The following MFF variants were observed in gnomAD, a reference collection of about 807,000 sequenced individuals.
MFF encodes chromosome 2 open reading frame 33.
A neutral mutation model predicts 36.9 loss-of-function variants in MFF; 12 were observed. The observed-to-expected ratio is 0.33, with a 90% confidence interval of 0.21 to 0.53. The LOEUF is 0.53. Among genes scored for constraint, MFF ranks in the 20% least tolerant of loss-of-function variants. The pLI is 0.95. For synonymous variants in MFF, 99 were observed against 126.2 expected (o/e 0.78, Z 1.44); for missense variants, 348 against 366.6 (o/e 0.95, Z 0.42).
intron 5 of MFF, among the ~76,000 whole-genome samples, chr2:227,345,777 A>G (rs2075677015): frequency 6.6e-6 from 1 of 152,150 alleles, no homozygotes; most frequent in Non-Finnish European, 1.5e-5. Context: ...ATGTTGGCTT[A>G]TATGTATTCC....
At chr2:227,349,026 T>C (rs776389495) in intron 6 of MFF, among the ~76,000 whole-genome samples, 31 of 152,178 alleles carry the variant, frequency 2.0e-4, no homozygotes, top group Non-Finnish European at 4.3e-4. Context: ...AAGTCCTTAG[T>C]GGAGACCAGA....
At chr2:227,341,213 G>A (rs1399043433) in intron 5 of MFF, among the ~76,000 whole-genome samples, 1 of 151,910 alleles carries the variant, frequency 6.6e-6, no homozygotes, top group Admixed American at 6.6e-5. Context: ...CTCTAGTTTG[G>A]ACCTCTCTAA....
chr2:227,340,254 A>C (rs756308517), intron 4 of MFF, 38 bp from the exon 5 acceptor site: 1 of 1,540,150 alleles, frequency 6.5e-7, no homozygotes, highest in Non-Finnish European at 9.0e-7. Flanking sequence ...CCTACTAAGA[A>C]TATTTCTATT....
chr2:227,357,431 G>A lies in MFF; in HGVS notation c.*314G>A, dbSNP rs1349527042. 4.9e-6 allele frequency: 1 copy of A among 203,394 alleles called. No homozygotes were observed. The highest frequency in any genetic ancestry group is 1.0e-5 in the Non-Finnish European group (1 of 99,218). 12.6% of individuals were successfully genotyped at this position (203,394 alleles called of 1,614,324 possible). A position where few individuals can be genotyped will look rare whatever the true frequency, so the allele number is the denominator to read the frequency against. On this transcript the variant is annotated 3_prime_UTR_variant, in exon 9 of 9. Coordinates refer to ENST00000304593, the MANE Select transcript of MFF (RefSeq NM_001277062.2). ...TTTTGCCTCATCAGTCCACCCAACT[G>A]ATTCTGAATGGGAGAGAGTCTGTAG...
intron 8 of MFF, among the ~76,000 whole-genome samples, chr2:227,356,006 C>T (rs2076237163): frequency 6.6e-6 from 1 of 152,132 alleles, no homozygotes; most frequent in African/African-American, 2.4e-5. Flanking sequence ...TTTAGCAAAC[C>T]AGTACAGCCA....
At chr2:227,344,900 T>C (rs1157149787) in intron 5 of MFF, among the ~76,000 whole-genome samples, 1 of 152,210 alleles carries the variant, frequency 6.6e-6, no homozygotes, top group Non-Finnish European at 1.5e-5. Context: ...TCTTTACTAG[T>C]ATTGATAAAA....
chr2:227,338,148 A>G (rs1057424622), intron 4 of MFF, among the ~76,000 whole-genome samples: 1 of 149,670 alleles, frequency 6.7e-6, no homozygotes, highest in Non-Finnish European at 1.5e-5. Context: ...TGGGTGGATT[A>G]CTTGAGGTTA....
intron 4 of MFF, among the ~76,000 whole-genome samples, chr2:227,333,796 G>T (rs973864135): frequency 6.6e-6 from 1 of 152,154 alleles, no homozygotes; most frequent in Non-Finnish European, 1.5e-5. Context: ...TTACAGTGAC[G>T]ATTTTGCCAG....
At chr2:227,331,751 T>G (rs1483139293) in intron 3 of MFF, among the ~76,000 whole-genome samples, 2 of 152,192 alleles carry the variant, frequency 1.3e-5, no homozygotes, top group African/African-American at 4.8e-5. Context: ...TTAATAATTT[T>G]GAACATCTGC....
At position 227,352,460 on chromosome 2, in the gene MFF, C is replaced by A. The variant is rs2076045788; in HGVS notation, c.600-54C>A. The A allele has an allele frequency of 4.6e-6, 6 of 1,303,168 alleles. No homozygotes were observed. The Admixed American group carries it at 5.3e-5, about 11-fold the overall frequency. 80.7% of individuals were successfully genotyped at this position (1,303,168 alleles called of 1,614,324 possible). On this transcript the variant is annotated intron_variant, in intron 6 of 8. Transcript: ENST00000304593. ...TCTTGTTTTTGCTTTTATTTTATTA[C>A]TTCTCTGTTTCCTGATTCTGTCTTG...
At chr2:227,356,700 C>T (rs2076275234) in intron 8 of MFF, among the ~76,000 whole-genome samples, 3 of 152,204 alleles carry the variant, frequency 2.0e-5, no homozygotes, top group East Asian at 1.9e-4. Context: ...AGTAGGTAAC[C>T]GCTTCCTCAC....
intron 1 of MFF, among the ~76,000 whole-genome samples, chr2:227,327,130 TAAAA>T (rs370084322): frequency 1.3e-5 from 2 of 151,822 alleles, no homozygotes; most frequent in Admixed American, 6.6e-5. Flanking sequence ...AAAGTCGAGT[TAAAA>T]AAATTAACTG....
chr2:227,329,645 A>T (rs1024106582), intron 2 of MFF: 9 of 847,048 alleles, frequency 1.1e-5, no homozygotes, highest in Non-Finnish European at 4.0e-6. Flanking sequence ...ACACCTCCAA[A>T]AAAAGTTCAA....
intron 6 of MFF, chr2:227,352,126 A>T (rs911826899): frequency 7.1e-5 from 12 of 168,434 alleles, no homozygotes; most frequent in Non-Finnish European, 1.4e-4. Context: ...GCAGCTAACC[A>T]GGTCCTGATA....
At chr2:227,326,452 A>T (rs986843335) in intron 1 of MFF, among the ~76,000 whole-genome samples, 1 of 152,148 alleles carries the variant, frequency 6.6e-6, no homozygotes, top group Non-Finnish European at 1.5e-5. Context: ...CATGCAATTA[A>T]ATTGCTTGGG....
At position 227,330,860 on chromosome 2, in the gene MFF, A is replaced by T. The variant is rs759827466; in HGVS notation, c.181+14A>T. On this transcript the variant is annotated intron_variant, in intron 3 of 8. Coordinates refer to ENST00000304593, the MANE Select transcript of MFF (RefSeq NM_001277062.2). ...TTGTTGTAGCAGGTATTTCACCTTT[A>T]CTTAGAAGGTTGCCTGTTAAATCTT... 3.5e-6 allele frequency: 5 copies of T among 1,441,774 alleles called. No homozygotes were observed. In the East Asian group the frequency reaches 1.1e-4, roughly 33 times the overall value. 89.3% of individuals were successfully genotyped at this position (1,441,774 alleles called of 1,614,324 possible).
At chr2:227,347,147 A>G (rs2075757321) in intron 5 of MFF, 79 bp from the exon 6 acceptor site, 1 of 1,297,432 alleles carries the variant, frequency 7.7e-7, no homozygotes, top group Non-Finnish European at 1.1e-6. Flanking sequence ...GAAAATTAAG[A>G]TAAAGACTGC....
At chr2:227,333,702 A>G (rs1265556829) in intron 4 of MFF, among the ~76,000 whole-genome samples, 1 of 152,250 alleles carries the variant, frequency 6.6e-6, no homozygotes, top group Non-Finnish European at 1.5e-5. Flanking sequence ...ATAAAACAAA[A>G]GTATCCAGTG....
intron 4 of MFF, among the ~76,000 whole-genome samples, chr2:227,332,872 A>G (rs2074702468): frequency 6.6e-6 from 1 of 152,252 alleles, no homozygotes; most frequent in Non-Finnish European, 1.5e-5. Flanking sequence ...GTTAAATAAT[A>G]AGAAAATGTT....
Sources: allele counts gnomAD v4.1 joint callset (sites outside exome capture counted in the v4.1 genomes callset), GRCh38; gene constraint gnomAD v4.1.1; transcripts MANE v1.5; gene names NCBI Gene and HGNC (gene_info 2026-07-23, HGNC 2026-07-21).